GPC5: variants seen among roughly 807,000 people sequenced by gnomAD.
GPC5 encodes glypican-5.
Under a neutral mutation model 53.9 loss-of-function variants are expected in GPC5, and 47 were observed. The ratio of observed to expected loss-of-function variants is 0.87; its 90% CI spans 0.69 to 1.11. The LOEUF (loss-of-function observed/expected upper bound fraction) is 1.11. Among genes scored for constraint, GPC5 ranks in the 50% most tolerant of loss-of-function variants. GPC5 has a pLI of 0.00. For missense variants in GPC5, 748 were observed against 713.1 expected (o/e 1.05, Z -0.56); for synonymous variants, 286 against 263.3 (o/e 1.09, Z -0.84).
chr13:91,652,681 A>T (rs1455356420), intron 2 of GPC5, among the ~76,000 whole-genome samples: 1 of 152,202 alleles, frequency 6.6e-6, no homozygotes, highest in Non-Finnish European at 1.5e-5. Flanking sequence ...TATATTGTTT[A>T]TTCTGGAATT....
chr13:91,442,646 C>T (rs1035566909), intron 1 of GPC5, among the ~76,000 whole-genome samples: 1 of 152,132 alleles, frequency 6.6e-6, no homozygotes, highest in African/African-American at 2.4e-5. Context: ...CAAAAATGTT[C>T]CTTAGTGCTT....
intron 7 of GPC5, among the ~76,000 whole-genome samples, chr13:92,440,551 G>A (rs552113940): frequency 2.6e-5 from 4 of 152,096 alleles, no homozygotes; most frequent in Admixed American, 2.0e-4. Context: ...GAACAGTGTG[G>A]CAATGAACAT....
intron 6 of GPC5, among the ~76,000 whole-genome samples, chr13:92,004,458 T>TTTTATATATATATATA (rs1491510192): frequency 3.6e-5 from 3 of 82,528 alleles, no homozygotes; most frequent in African/African-American, 1.2e-4. Flanking sequence ...AAAAAAAAAA[T>TTTTATATATATATATA]TATATATATA....
chr13:91,493,076 T>C lies in GPC5; in HGVS notation c.325+44154T>C, dbSNP rs72641406. Among the ~76,000 whole-genome samples the C allele has an allele frequency of 6.2e-3, 937 of 152,330 alleles. 5 individuals carry two copies. Among genetic ancestry groups the C allele is most frequent in the Non-Finnish European group, 0.01 (686 of 68,026 alleles). On this transcript the variant is annotated intron_variant, in intron 2 of 7. Transcript: ENST00000377067. ...CTAGCTTAGATCTATTGCTAATTAT[T>C]ATCATCATCCTCTTCTTTTGCTTTG...
intron 6 of GPC5, among the ~76,000 whole-genome samples, chr13:92,137,388 G>A (rs2041792702): frequency 1.3e-5 from 2 of 152,110 alleles, no homozygotes; most frequent in Admixed American, 1.3e-4. Context: ...TTAGGTAGAC[G>A]CAAATGACAG....
intron 7 of GPC5, among the ~76,000 whole-genome samples, chr13:92,250,212 C>T (rs1399807446): frequency 6.6e-6 from 1 of 152,012 alleles, no homozygotes; most frequent in Non-Finnish European, 1.5e-5. Context: ...TGTGTGTGTG[C>T]ATGCACCAGA....
At chr13:92,526,071 A>C (rs1359809904) in intron 7 of GPC5, among the ~76,000 whole-genome samples, 1 of 152,024 alleles carries the variant, frequency 6.6e-6, no homozygotes, top group Admixed American at 6.6e-5. Flanking sequence ...AACACAGAAA[A>C]CCTTCCTTGA....
intron 7 of GPC5, among the ~76,000 whole-genome samples, chr13:92,553,665 C>G (rs1882396660): frequency 6.6e-6 from 1 of 151,930 alleles, no homozygotes; most frequent in Non-Finnish European, 1.5e-5. Flanking sequence ...ATGATCAAAC[C>G]AGATGACTCA....
At chr13:92,151,515 G>A (rs1167103227) in intron 7 of GPC5, among the ~76,000 whole-genome samples, 1 of 152,072 alleles carries the variant, frequency 6.6e-6, no homozygotes, top group Non-Finnish European at 1.5e-5. Context: ...AAGGACATTT[G>A]GAACTGTAAC....
chr13:92,446,260 C>A (rs1449330241), intron 7 of GPC5, among the ~76,000 whole-genome samples: 3 of 151,632 alleles, frequency 2.0e-5, no homozygotes, highest in Non-Finnish European at 4.4e-5. Context: ...GTACCCTTCC[C>A]AGCCTCTGGT....
At chr13:92,290,908 C>T (rs976297931) in intron 7 of GPC5, among the ~76,000 whole-genome samples, 25 of 152,170 alleles carry the variant, frequency 1.6e-4, no homozygotes, top group Middle Eastern at 3.4e-3. Flanking sequence ...TGGCGGAAAC[C>T]GGGGCTGCGC....
chr13:92,272,364 C>T (rs2042845741), intron 7 of GPC5, among the ~76,000 whole-genome samples: 1 of 152,136 alleles, frequency 6.6e-6, no homozygotes, highest in African/African-American at 2.4e-5. Flanking sequence ...ATCCACTAGC[C>T]ATGAGGTACT....
At chr13:92,101,424 T>G (rs977207064) in intron 6 of GPC5, among the ~76,000 whole-genome samples, 2 of 152,208 alleles carry the variant, frequency 1.3e-5, no homozygotes, top group Admixed American at 6.5e-5. Context: ...TAAGTGTCTA[T>G]ACACAGATTA....
intron 2 of GPC5, among the ~76,000 whole-genome samples, chr13:91,478,881 T>A (rs9583936): frequency 0.016 from 1,112 of 67,484 alleles, 62 homozygotes; most frequent in African/African-American, 0.03. Context: ...TATATACACA[T>A]TATATATATA....
At chr13:92,415,528 G>A (rs899856832) in intron 7 of GPC5, among the ~76,000 whole-genome samples, 2 of 152,140 alleles carry the variant, frequency 1.3e-5, no homozygotes, top group Admixed American at 1.3e-4. Flanking sequence ...ATCAACACTG[G>A]CTGAGGACTA....
At chr13:91,680,427 C>T (rs1396820853) in intron 2 of GPC5, among the ~76,000 whole-genome samples, 11 of 152,024 alleles carry the variant, frequency 7.2e-5, no homozygotes, top group Admixed American at 1.3e-4. Flanking sequence ...CCAGCCTGGG[C>T]GACAGAGCAA....
chr13:92,557,413 T>C (rs1210930436), intron 7 of GPC5, among the ~76,000 whole-genome samples: 1 of 151,902 alleles, frequency 6.6e-6, no homozygotes, highest in Non-Finnish European at 1.5e-5. Flanking sequence ...CAAAAGCACA[T>C]TATAAAAAGT....
chr13:92,339,734 A>G (rs1003728846), intron 7 of GPC5: 3 of 152,092 alleles, frequency 2.0e-5, no homozygotes, highest in African/African-American at 7.2e-5. Flanking sequence ...ATTTCAATAA[A>G]TCTATGTTTC....
intron 7 of GPC5, among the ~76,000 whole-genome samples, chr13:92,218,027 G>A (rs1010660324): frequency 4.7e-5 from 7 of 148,472 alleles, no homozygotes; most frequent in East Asian, 2.0e-4. Flanking sequence ...GGGCTCCAGC[G>A]GTCCTCCTGC....
Sources: allele counts gnomAD v4.1 joint callset (sites outside exome capture counted in the v4.1 genomes callset), GRCh38; gene constraint gnomAD v4.1.1; transcripts MANE v1.5; gene names NCBI Gene and HGNC (gene_info 2026-07-23, HGNC 2026-07-21).